The following PCDHGA5 variants were observed in gnomAD, a reference collection of about 807,000 sequenced individuals.
The protein encoded by PCDHGA5 is protocadherin gamma subfamily A, 5.
In PCDHGA5, 36 loss-of-function variants were observed where a neutral mutation model predicts 56.7. That is an observed-to-expected ratio of 0.64 (90% confidence interval 0.49 to 0.84). The LOEUF is 0.84. Ranked by LOEUF, PCDHGA5 falls within the 40% of genes least tolerant of loss-of-function variation. The probability of loss-of-function intolerance (pLI) is 0.00; values close to 1 mark genes in which losing one functional copy is unlikely to be tolerated. For missense variants in PCDHGA5, 1,305 were observed against 1,201.5 expected (o/e 1.09, Z -1.27); for synonymous variants, 563 against 520.2 (o/e 1.08, Z -1.12).
rs750397953 is a variant in PCDHGA5 at position 141,409,543 on chromosome 5, C to CA, written c.2421+42794dup. 2.4e-5 allele frequency: 38 copies of CA among 1,613,884 alleles called. No individual in the cohort carries two copies. The South Asian group carries it at 4.1e-4, about 17-fold the overall frequency. On this transcript the variant is annotated intron_variant, in intron 1 of 3. Transcript: ENST00000518069. ...CCTTGTATGTCGCTGACATCAACGACAACGCCCCAGTTTTCGACCAGACGT... is the reference window on the plus strand; with the variant it reads ...CCTTGTATGTCGCTGACATCAACGACAAACGCCCCAGTTTTCGACCAGACGT...
rs778294045 is a variant in PCDHGA5 at position 141,399,841 on chromosome 5, G to A, written c.2421+33090G>A. 2 of 1,612,968 alleles carry A rather than the reference G, an allele frequency of 1.2e-6. No homozygotes were observed. Among genetic ancestry groups the A allele is most frequent in the African/African-American group, 1.3e-5 (1 of 74,926 alleles). ...GGGTCCCGACGGCTCTGCGCTCTTC[G>A]ATATGGTGCCGCGCGCTGCAGAGCC... On this transcript the variant is annotated intron_variant, in intron 1 of 3. Transcript: ENST00000518069.
intron 1 of PCDHGA5, among the ~76,000 whole-genome samples, chr5:141,482,940 G>T (rs1245833250): frequency 6.6e-6 from 1 of 152,026 alleles, no homozygotes; most frequent in East Asian, 1.9e-4. Context: ...AGGTGTGGTT[G>T]TGGGTGCCTG....
chr5:141,389,533 T>C (rs2091811622), intron 1 of PCDHGA5: 4 of 1,613,216 alleles, frequency 2.5e-6, no homozygotes, highest in South Asian at 2.2e-5. Flanking sequence ...CGCGTGTTAG[T>C]GGACGACCGC....
chr5:141,399,133 G>A (rs1054849184), intron 1 of PCDHGA5: 1 of 1,613,714 alleles, frequency 6.2e-7, no homozygotes, highest in Non-Finnish European at 8.5e-7. Flanking sequence ...TATTCAAGAT[G>A]AAAATGACAA....
intron 1 of PCDHGA5, chr5:141,383,740 T>C: frequency 6.2e-7 from 1 of 1,614,008 alleles, no homozygotes. Context: ...GACATATTCT[T>C]TTCGGAAAAT....
intron 1 of PCDHGA5, chr5:141,427,703 C>T (rs529490424): frequency 1.0e-6 from 1 of 957,508 alleles, no homozygotes. Flanking sequence ...CACAAGTCAG[C>T]GCCTCTGACC....
At chr5:141,484,899 T>G (rs1296997337) in intron 1 of PCDHGA5, 9 of 398,498 alleles carry the variant, frequency 2.3e-5, no homozygotes, top group Non-Finnish European at 3.1e-5. Flanking sequence ...TCCCCTCCAA[T>G]GCTGCGACGC....
chr5:141,398,888 A>G (rs2093720509), intron 1 of PCDHGA5: 2 of 1,613,968 alleles, frequency 1.2e-6, no homozygotes, highest in East Asian at 4.5e-5. Context: ...CTTCGGGAAA[A>G]CGTGCCACCA....
chr5:141,374,589 G>C, intron 1 of PCDHGA5: 3 of 1,613,676 alleles, frequency 1.9e-6, no homozygotes, highest in Non-Finnish European at 1.7e-6. Context: ...TCCCTTCAGG[G>C]ATTTAAGCTC....
chr5:141,427,405 C>T (rs1209638263), intron 1 of PCDHGA5: 1 of 462,180 alleles, frequency 2.2e-6, no homozygotes, highest in East Asian at 6.8e-5. Context: ...GATAAAGATT[C>T]GAGAGAAAAT....
At chr5:141,376,345 C>G (rs747833428) in intron 1 of PCDHGA5, 1 of 1,614,084 alleles carries the variant, frequency 6.2e-7, no homozygotes, top group African/African-American at 1.3e-5. Context: ...AGACCTATTC[C>G]CACGAGGTCT....
At chr5:141,436,104 G>A (rs368559994) in intron 1 of PCDHGA5, among the ~76,000 whole-genome samples, 10 of 152,086 alleles carry the variant, frequency 6.6e-5, no homozygotes, top group East Asian at 3.9e-4. Flanking sequence ...AGAAATAGAG[G>A]ACAATGAAAC....
At chr5:141,403,058 C>A in intron 1 of PCDHGA5, 1 of 1,614,060 alleles carries the variant, frequency 6.2e-7, no homozygotes, top group Non-Finnish European at 8.5e-7. Context: ...CTACTCAGTG[C>A]CTGAAGAGAC....
chr5:141,470,680 T>C (rs1212361233), intron 1 of PCDHGA5, among the ~76,000 whole-genome samples: 1 of 152,090 alleles, frequency 6.6e-6, no homozygotes, highest in Non-Finnish European at 1.5e-5. Context: ...GCTGTTACCA[T>C]CTTGAAATTC....
chr5:141,489,084 C>A lies in PCDHGA5; in HGVS notation c.2422-5723C>A. On this transcript the variant is annotated intron_variant, in intron 1 of 3. Coordinates refer to ENST00000518069, the MANE Select transcript of PCDHGA5 (RefSeq NM_018918.3). The surrounding 1 kb of genome is among the most constrained non-coding windows in gnomAD (Gnocchi z 4.5). Reference sequence around the variant, plus strand: ...CTCCCCCCTGCCCACCCCCGCCACTCGGTGACTAAGAACTGCTGCAAGCAG... The same window carrying A: ...CTCCCCCCTGCCCACCCCCGCCACTAGGTGACTAAGAACTGCTGCAAGCAG... The A allele has an allele frequency of 9.1e-6, 3 of 329,124 alleles. No homozygotes were observed. The highest frequency in any genetic ancestry group is 1.1e-5 in the Non-Finnish European group (2 of 186,464). The allele number at this position is 329,124 out of a possible 1,614,324, so 20.4% of individuals were successfully genotyped here. A position where few individuals can be genotyped will look rare whatever the true frequency, so the allele number is the denominator to read the frequency against.
intron 1 of PCDHGA5, chr5:141,370,741 T>C (rs746594689): frequency 6.2e-7 from 1 of 1,613,900 alleles, no homozygotes; most frequent in Non-Finnish European, 8.5e-7. Flanking sequence ...CCTTTAAACT[T>C]TTTTCATGTA....
At chr5:141,403,344 C>T (rs1307550469) in intron 1 of PCDHGA5, 10 of 1,613,916 alleles carry the variant, frequency 6.2e-6, no homozygotes, top group Non-Finnish European at 8.5e-6. Context: ...GACAGCGCCC[C>T]AAAGTTCCAG....
At chr5:141,406,021 G>A (rs530576205) in intron 1 of PCDHGA5, among the ~76,000 whole-genome samples, 1 of 151,382 alleles carries the variant, frequency 6.6e-6, no homozygotes, top group East Asian at 1.9e-4. Context: ...GGCTTTTTGG[G>A]TAGGGTTGCT....
chr5:141,399,327 G>C (rs2093787081), intron 1 of PCDHGA5: 2 of 1,613,936 alleles, frequency 1.2e-6, no homozygotes, highest in African/African-American at 1.3e-5. Flanking sequence ...CGTATAAGTT[G>C]GTAACAGATG....
Sources: allele counts gnomAD v4.1 joint callset (sites outside exome capture counted in the v4.1 genomes callset), GRCh38; gene constraint gnomAD v4.1.1; non-coding constraint Gnocchi (gnomAD v3.1); transcripts MANE v1.5; gene names NCBI Gene and HGNC (gene_info 2026-07-23, HGNC 2026-07-21).